ELFN1: variants seen among roughly 807,000 people sequenced by gnomAD.
ELFN1 encodes the protein protein ELFN1.
Under a neutral mutation model 7.6 loss-of-function variants are expected in ELFN1, and 6 were observed. The observed-to-expected ratio is 0.79, with a 90% CI of 0.43 to 1.56. The LOEUF is 1.56. Among genes scored for constraint, ELFN1 ranks in the 40% most tolerant of loss-of-function variants. The pLI, the probability that ELFN1 is intolerant of heterozygous loss-of-function variation, is 0.01. For synonymous variants in ELFN1, 657 were observed against 588.1 expected (o/e 1.12, Z -1.70); for missense variants, 1,169 against 1,232.2 (o/e 0.95, Z 0.77).
intron 2 of ELFN1, among the ~76,000 whole-genome samples, chr7:1,702,406 G>A (rs1322547867): frequency 2.0e-5 from 3 of 150,646 alleles, no homozygotes; most frequent in Non-Finnish European, 4.4e-5. Context: ...CTGGGCGACA[G>A]AACGAGACTC....
Position 1,747,074 on chromosome 7 carries a change from C to A in ELFN1, c.2478C>A (p.His826Gln). 1.3e-6 allele frequency: 2 copies of A among 1,501,084 alleles called. No homozygotes were observed. Among genetic ancestry groups the A allele is most frequent in the Non-Finnish European group, 1.8e-6 (2 of 1,117,998 alleles). 93.0% of individuals were successfully genotyped at this position (1,501,084 alleles called of 1,614,324 possible). The stretch of plus-strand genomic sequence containing the variant: ...ACTGGAAGGGCGTGTCGGCCCAGCA[C>A]AAGTCCTGAGCCCCCCAAGACCGGC... ...LDYWKGVSAQ[H>Q]KS The change falls in exon 4 of 4, where the codon CAC becomes CAA. Residue 826 changes from histidine (H) to glutamine (Q), a missense_variant. Transcript: ENST00000424383.
At chr7:1,672,046 C>T (rs1330929075) in intron 1 of ELFN1, among the ~76,000 whole-genome samples, 1 of 152,216 alleles carries the variant, frequency 6.6e-6, no homozygotes, top group African/African-American at 2.4e-5. Flanking sequence ...GCCAGCTGTG[C>T]AGCCCCCTCC....
rs1780587118 is a variant in ELFN1, at chr7:1,740,746, C to T, written c.-293-3558C>T. 6.6e-6 allele frequency among the ~76,000 whole-genome samples: 1 copy of T among 152,202 alleles called. No homozygotes were observed. Among genetic ancestry groups the T allele is most frequent in the Non-Finnish European group, 1.5e-5 (1 of 68,026 alleles). On this transcript the variant is annotated intron_variant, in intron 3 of 3. Coordinates refer to ENST00000424383, the MANE Select transcript of ELFN1 (RefSeq NM_001128636.4). This position sits in a 1 kb window ranked among gnomAD's most constrained non-coding sequence, Gnocchi z 5.0. ...CCCCGGCCCCTGACAGGAGGCTGCA[C>T]AGGGCTGACTCACAGTGTGACTTCG...
chr7:1,690,814 G>A (rs1779146427), intron 2 of ELFN1, among the ~76,000 whole-genome samples: 1 of 151,996 alleles, frequency 6.6e-6, no homozygotes, highest in Non-Finnish European at 1.5e-5. Context: ...AAGGATGAGT[G>A]GGTGGAGAGG....
chr7:1,701,558 C>T lies in ELFN1; in HGVS notation c.-455-7533C>T, dbSNP rs552883796. Among the ~76,000 whole-genome samples, 36 of 152,046 alleles carry T rather than the reference C, an allele frequency of 2.4e-4. 1 individual carries two copies. The highest frequency in any genetic ancestry group is 2.0e-3 in the Admixed American group (31 of 15,266). ...GGTGCAGTGGCTCATGCTTGTAATC[C>T]CAGCACTTTGGGAGGCTGAGGTGGG... On this transcript the variant is annotated intron_variant, in intron 2 of 3. Transcript: ENST00000424383.
At chr7:1,674,017 G>C (rs1032777580) in intron 1 of ELFN1, among the ~76,000 whole-genome samples, 1 of 152,166 alleles carries the variant, frequency 6.6e-6, no homozygotes, top group Admixed American at 6.5e-5. Context: ...CAGGCCACGG[G>C]GGTACACAGG....
At chr7:1,742,915 C>T (rs920598421) in intron 3 of ELFN1, among the ~76,000 whole-genome samples, 1 of 152,248 alleles carries the variant, frequency 6.6e-6, no homozygotes, top group African/African-American at 2.4e-5. Context: ...ACGTCAATAT[C>T]AGTGAAATAC....
chr7:1,678,849 C>T (rs1423948942), intron 1 of ELFN1, among the ~76,000 whole-genome samples: 3 of 152,198 alleles, frequency 2.0e-5, no homozygotes, highest in East Asian at 1.9e-4. Flanking sequence ...GCAGCGAAAT[C>T]GGGAGTGTGG....
intron 3 of ELFN1, among the ~76,000 whole-genome samples, chr7:1,724,999 C>T (rs1780146784): frequency 6.6e-6 from 1 of 152,232 alleles, no homozygotes. Flanking sequence ...GGCGAGGCCC[C>T]TGTGGGGAGG....
rs547523693 is a variant in ELFN1 at position 1,706,440 on chromosome 7, A to G, written c.-455-2651A>G. Among the ~76,000 whole-genome samples the G allele has an allele frequency of 7.3e-4, 109 of 149,508 alleles. 2 individuals carry two copies. Among genetic ancestry groups the G allele is most frequent in the Non-Finnish European group, 1.2e-3 (80 of 67,932 alleles). On this transcript the variant is annotated intron_variant, in intron 2 of 3. Coordinates refer to ENST00000424383, the MANE Select transcript of ELFN1 (RefSeq NM_001128636.4). ...CTGTCTCAAAAAAACAAAACAAAACAAAACAAAACAAAACAAAACAAAACA... is the reference window on the plus strand; with the variant it reads ...CTGTCTCAAAAAAACAAAACAAAACGAAACAAAACAAAACAAAACAAAACA...
At chr7:1,675,845 A>G (rs1778860250) in intron 1 of ELFN1, among the ~76,000 whole-genome samples, 1 of 152,168 alleles carries the variant, frequency 6.6e-6, no homozygotes, top group South Asian at 2.1e-4. Flanking sequence ...TACCCACAGC[A>G]CAGCTGCCCC....
At position 1,747,070 on chromosome 7, in the gene ELFN1, A is replaced by G; in HGVS notation, c.2474A>G (p.Gln825Arg). ...ILDYWKGVSA[Q>R]HKS is the part of the protein sequence containing the mutation. ...GACTACTGGAAGGGCGTGTCGGCCC[A>G]GCACAAGTCCTGAGCCCCCCAAGAC... The change falls in exon 4 of 4, where the codon CAG becomes CGG. Residue 825 changes from glutamine to arginine, a missense_variant. Around this residue, in one of 2 missense-constraint regions of ELFN1, gnomAD observed 914 missense variants for 872.6 expected, o/e 1.05. Coordinates refer to ENST00000424383, the MANE Select transcript of ELFN1 (RefSeq NM_001128636.4). 6.6e-7 allele frequency: 1 copy of G among 1,508,560 alleles called. No homozygotes were observed. Among genetic ancestry groups the G allele is most frequent in the Non-Finnish European group, 8.9e-7 (1 of 1,121,570 alleles). 93.4% of individuals were successfully genotyped at this position (1,508,560 alleles called of 1,614,324 possible). A position where few individuals can be genotyped will look rare whatever the true frequency, so the allele number is the denominator to read the frequency against.
At chr7:1,713,458 T>C (rs1347749183) in intron 3 of ELFN1, among the ~76,000 whole-genome samples, 3 of 152,218 alleles carry the variant, frequency 2.0e-5, no homozygotes, top group Admixed American at 1.3e-4. Flanking sequence ...GAGTTGAAGT[T>C]TCCCAGCTTC....
At chr7:1,671,666 T>C (rs1778770128) in intron 1 of ELFN1, among the ~76,000 whole-genome samples, 2 of 152,270 alleles carry the variant, frequency 1.3e-5, no homozygotes, top group Admixed American at 1.3e-4. Flanking sequence ...CATAGGTTGC[T>C]TGAAAAGCAT....
intron 3 of ELFN1, among the ~76,000 whole-genome samples, chr7:1,729,966 C>G (rs1261443174): frequency 6.6e-6 from 1 of 152,228 alleles, no homozygotes; most frequent in Non-Finnish European, 1.5e-5. Flanking sequence ...GTCTCACAGG[C>G]CTAGCCTCAA....
chr7:1,705,713 G>A lies in ELFN1; in HGVS notation c.-455-3378G>A, dbSNP rs1173574744. On this transcript the variant is annotated intron_variant, in intron 2 of 3. Transcript: ENST00000424383. The surrounding 1 kb of genome is among the most constrained non-coding windows in gnomAD (Gnocchi z 4.3). ...CATGGCAATTCAGTGGATGGCTTTG[G>A]GCCTCGGTTTCCTGTCCACAACATC... 2.6e-5 allele frequency among the ~76,000 whole-genome samples: 4 copies of A among 152,216 alleles called. No individual in the cohort carries two copies. The highest frequency in any genetic ancestry group is 9.6e-5 in the African/African-American group (4 of 41,460).
intron 1 of ELFN1, among the ~76,000 whole-genome samples, chr7:1,676,717 C>T (rs541127249): frequency 2.6e-5 from 4 of 152,294 alleles, no homozygotes; most frequent in Admixed American, 6.5e-5. Context: ...GTAATGGCCC[C>T]GCAGCCGAGA....
chr7:1,694,215 A>C (rs1779248780), intron 2 of ELFN1: 1 of 200,580 alleles, frequency 5.0e-6, no homozygotes, highest in African/African-American at 2.3e-5. Flanking sequence ...CCCAGGTCCC[A>C]GGCTTGGGAG....
intron 1 of ELFN1, among the ~76,000 whole-genome samples, chr7:1,680,933 G>C (rs1163247026): frequency 6.6e-6 from 1 of 151,938 alleles, no homozygotes; most frequent in Non-Finnish European, 1.5e-5. Context: ...GTAAAGACAG[G>C]GTTTCACCAT....
Sources: allele counts gnomAD v4.1 joint callset (sites outside exome capture counted in the v4.1 genomes callset), GRCh38; gene constraint gnomAD v4.1.1; regional missense constraint gnomAD v4.1.1; non-coding constraint Gnocchi (gnomAD v3.1); transcripts MANE v1.5; gene names NCBI Gene and HGNC (gene_info 2026-07-23, HGNC 2026-07-21).